OSBPL3: variants seen among roughly 807,000 people sequenced by gnomAD.
OSBPL3 encodes oxysterol-binding protein-related protein 3.
Under a neutral mutation model 120.1 loss-of-function variants are expected in OSBPL3, and 65 were observed. That is an observed-to-expected ratio of 0.54 (90% CI 0.44 to 0.67). OSBPL3 has a LOEUF of 0.67. Among genes scored for constraint, OSBPL3 ranks in the 30% least tolerant of loss-of-function variants. The probability of loss-of-function intolerance (pLI) is 0.00; values close to 1 mark genes in which losing one functional copy is unlikely to be tolerated. For synonymous variants in OSBPL3, 416 were observed against 402.6 expected, an observed-to-expected ratio of 1.03 and a Z score of -0.40; for missense variants, 1,004 against 1,082.1, an observed-to-expected ratio of 0.93 and a Z score of 1.01.
chr7:24,841,717 A>AAAAAAT (rs70942886), intron 13 of OSBPL3, among the ~76,000 whole-genome samples: 1 of 82,798 alleles, frequency 1.2e-5, no homozygotes. Context: ...AAAAAAAAAA[A>AAAAAAT]AAAAGAGGCC....
At chr7:24,876,675 G>A (rs1005025153) in intron 2 of OSBPL3, among the ~76,000 whole-genome samples, 1 of 152,084 alleles carries the variant, frequency 6.6e-6, no homozygotes, top group Admixed American at 6.6e-5. Flanking sequence ...CCACAATTCT[G>A]TACAGCATGC....
intron 12 of OSBPL3, 84 bp downstream of exon 12, chr7:24,848,985 C>T: frequency 1.1e-6 from 1 of 912,252 alleles, no homozygotes. Context: ...TGAGGGGAAG[C>T]AGGGAGGTCG....
intron 2 of OSBPL3, among the ~76,000 whole-genome samples, chr7:24,878,251 T>C (rs145537229): frequency 7.9e-5 from 12 of 152,332 alleles, no homozygotes; most frequent in Middle Eastern, 6.8e-3. Context: ...CTTGCAGTGA[T>C]GTCAGAAATA....
At chr7:24,885,592 C>A (rs1804402017) in intron 2 of OSBPL3, among the ~76,000 whole-genome samples, 1 of 152,248 alleles carries the variant, frequency 6.6e-6, no homozygotes, top group Non-Finnish European at 1.5e-5. Flanking sequence ...GAGTGAAGCA[C>A]TTGTCAATTA....
chr7:24,970,104 CTTTTTT>C (rs10540160), intron 1 of OSBPL3, among the ~76,000 whole-genome samples: 2 of 83,014 alleles, frequency 2.4e-5, no homozygotes, highest in African/African-American at 1.1e-4. Flanking sequence ...TCGTCCCTTT[CTTTTTT>C]TTTTTTTTTT....
rs1818102904 is a variant in OSBPL3, at chr7:24,979,964, G to A, written c.-228C>T. ...GGTTAGCGCACAGAACCGGGAGAAG[G>A]CAACCCCGGCTTCTCCGGTACCCCC... On this transcript the variant is annotated 5_prime_UTR_variant, in exon 1 of 23. Transcript: ENST00000313367. 2.0e-6 allele frequency: 2 copies of A among 983,514 alleles called. No individual in the cohort carries two copies. Among genetic ancestry groups the A allele is most frequent in the Non-Finnish European group, 2.4e-6 (2 of 829,134 alleles). 60.9% of individuals were successfully genotyped at this position (983,514 alleles called of 1,614,324 possible). A position where few individuals can be genotyped will look rare whatever the true frequency, so the allele number is the denominator to read the frequency against.
chr7:24,976,934 T>C (rs1318948167), intron 1 of OSBPL3, among the ~76,000 whole-genome samples: 1 of 152,148 alleles, frequency 6.6e-6, no homozygotes, highest in South Asian at 2.1e-4. Flanking sequence ...ATGAGCCCCT[T>C]AGGTGGTACC....
chr7:24,976,109 T>C (rs1817557402), intron 1 of OSBPL3, among the ~76,000 whole-genome samples: 3 of 152,200 alleles, frequency 2.0e-5, no homozygotes, highest in Non-Finnish European at 1.5e-5. Flanking sequence ...CACCATATGT[T>C]AGTTGCAAAG....
intron 22 of OSBPL3, among the ~76,000 whole-genome samples, 182 bp from the exon 23 acceptor site, chr7:24,800,461 T>C (rs1044260748): frequency 2.0e-5 from 3 of 146,472 alleles, no homozygotes; most frequent in African/African-American, 7.7e-5. Context: ...TACTTTTTTT[T>C]TTTTTTTTTT....
intron 2 of OSBPL3, among the ~76,000 whole-genome samples, chr7:24,888,436 T>C (rs1157772334): frequency 2.0e-5 from 3 of 152,234 alleles, no homozygotes; most frequent in Admixed American, 6.5e-5. Context: ...GGAGAGTTAA[T>C]GTTCTAATCA....
intron 20 of OSBPL3, among the ~76,000 whole-genome samples, chr7:24,807,960 C>T (rs1025905693): frequency 6.6e-5 from 10 of 152,096 alleles, no homozygotes; most frequent in African/African-American, 1.9e-4. Context: ...GACAGTGACA[C>T]GATCTCAGCT....
intron 1 of OSBPL3, among the ~76,000 whole-genome samples, chr7:24,977,460 G>C (rs1352275265): frequency 6.6e-6 from 1 of 152,172 alleles, no homozygotes; most frequent in Non-Finnish European, 1.5e-5. Context: ...ATCTAGCTCA[G>C]CAATTTACTG....
chr7:24,798,305 A>G lies in OSBPL3; in HGVS notation c.*1878T>C, dbSNP rs1303112324. 6.6e-6 allele frequency: 1 copy of G among 152,236 alleles called. No individual in the cohort carries two copies. Among genetic ancestry groups the G allele is most frequent in the Non-Finnish European group, 1.5e-5 (1 of 68,030 alleles). 9.4% of individuals were successfully genotyped at this position (152,236 alleles called of 1,614,324 possible). On this transcript the variant is annotated 3_prime_UTR_variant, in exon 23 of 23. Transcript: ENST00000313367. This position sits in a 1 kb window ranked among gnomAD's most constrained non-coding sequence, Gnocchi z 4.6. ...TTGAGCCAGTCTCTGGAGCAGGCCA[A>G]TTTAACAGCCAATATTACCACGATT...
At position 24,955,146 on chromosome 7, in the gene OSBPL3, G is replaced by GA. The variant is rs759065868; in HGVS notation, c.-150+24739dup. On this transcript the variant is annotated intron_variant, in intron 1 of 22. Transcript: ENST00000313367. The surrounding 1 kb of genome is among the most constrained non-coding windows in gnomAD (Gnocchi z 4.3). ...ACTACTATACATATTACCAACATTTGAACAGTGTCTGGCACATAACAGACT... is the reference window on the plus strand; with the variant it reads ...ACTACTATACATATTACCAACATTTGAAACAGTGTCTGGCACATAACAGACT... 3.4e-4 allele frequency among the ~76,000 whole-genome samples: 51 copies of GA among 152,152 alleles called. No individual in the cohort carries two copies. Among genetic ancestry groups the GA allele is most frequent in the Non-Finnish European group, 6.2e-4 (42 of 68,022 alleles).
chr7:24,948,011 A>T (rs1813940777), intron 1 of OSBPL3, among the ~76,000 whole-genome samples: 1 of 152,224 alleles, frequency 6.6e-6, no homozygotes, highest in South Asian at 2.1e-4. Context: ...GAAATAAAAA[A>T]ATCAAACTAA....
chr7:24,966,544 G>C lies in OSBPL3; in HGVS notation c.-150+13342C>G, dbSNP rs1388456526. 1.3e-5 allele frequency among the ~76,000 whole-genome samples: 2 copies of C among 152,196 alleles called. No individual in the cohort carries two copies. The highest frequency in any genetic ancestry group is 6.5e-5 in the Admixed American group (1 of 15,282). On this transcript the variant is annotated intron_variant, in intron 1 of 22. Transcript: ENST00000313367. The surrounding 1 kb of genome is among the most constrained non-coding windows in gnomAD (Gnocchi z 4.8). ...TTACAAGTCAGAAGTATGATGCATTGGCAGGTGTGCATGAAGAAGGCCAGG... is the reference window on the plus strand; with the variant it reads ...TTACAAGTCAGAAGTATGATGCATTCGCAGGTGTGCATGAAGAAGGCCAGG...
chr7:24,928,055 T>C (rs372880016), intron 1 of OSBPL3, among the ~76,000 whole-genome samples: 9 of 152,088 alleles, frequency 5.9e-5, no homozygotes, highest in African/African-American at 2.2e-4. Context: ...TCCTCCTCTC[T>C]ACCTTCCTCC....
rs1219128628 is a variant in OSBPL3, at chr7:24,873,255, TCA to T, written c.97-1188_97-1187del. 1.3e-5 allele frequency among the ~76,000 whole-genome samples: 2 copies of T among 152,138 alleles called. No homozygotes were observed. The highest frequency in any genetic ancestry group is 2.9e-5 in the Non-Finnish European group (2 of 68,024). Reference sequence around the variant, plus strand: ...ACCAGGGAGCAGGAGGCAGTTAGATTCAAGTCCTGGGACACAAGTGGTCTAAC... The same window carrying T: ...ACCAGGGAGCAGGAGGCAGTTAGATTAGTCCTGGGACACAAGTGGTCTAAC... On this transcript the variant is annotated intron_variant, in intron 2 of 22. Transcript: ENST00000313367. The surrounding 1 kb of genome is among the most constrained non-coding windows in gnomAD (Gnocchi z 4.1).
chr7:24,806,631 A>G lies in OSBPL3; in HGVS notation c.2444+145T>C. 1 of 668,486 alleles carries G rather than the reference A, an allele frequency of 1.5e-6. No homozygotes were observed. The highest frequency in any genetic ancestry group is 2.7e-5 in the East Asian group (1 of 36,504). The allele number at this position is 668,486 out of a possible 1,614,324, so 41.4% of individuals were successfully genotyped here. On this transcript the variant is annotated intron_variant, in intron 21 of 22. Coordinates refer to ENST00000313367, the MANE Select transcript of OSBPL3 (RefSeq NM_015550.4). This position sits in a 1 kb window ranked among gnomAD's most constrained non-coding sequence, Gnocchi z 5.2. ...TTGGGCCCCATCTCCTCCGTGATAC[A>G]ATTGTTTAAAGCATCCCCACCTCTC...
Sources: allele counts gnomAD v4.1 joint callset (sites outside exome capture counted in the v4.1 genomes callset), GRCh38; gene constraint gnomAD v4.1.1; non-coding constraint Gnocchi (gnomAD v3.1); transcripts MANE v1.5; gene names NCBI Gene and HGNC (gene_info 2026-07-23, HGNC 2026-07-21).